Variants in ANO4 observed in about 807,000 individuals in gnomAD.
ANO4 encodes anoctamin 4.
ANO4 carries 69 observed loss-of-function variants against 141.9 expected under a neutral mutation model. The ratio of observed to expected loss-of-function variants is 0.49; its 90% CI spans 0.40 to 0.59. The LOEUF (loss-of-function observed/expected upper bound fraction) is 0.59, where lower values mean the gene tolerates loss of function less well. Among genes scored for constraint, ANO4 ranks in the 20% least tolerant of loss-of-function variants. The pLI, the probability that ANO4 is intolerant of heterozygous loss-of-function variation, is 0.00. For synonymous variants in ANO4, 350 were observed against 394.3 expected (o/e 0.89, Z 1.33); for missense variants, 894 against 1,162.2 (o/e 0.77, Z 3.36).
chr12:100,779,138 A>T (rs1158328611), intron 3 of ANO4, among the ~76,000 whole-genome samples: 2 of 152,232 alleles, frequency 1.3e-5, no homozygotes, highest in Non-Finnish European at 2.9e-5. Context: ...ACCAACCCCC[A>T]GAGAGTGTGA....
chr12:100,869,919 C>T (rs756972503), intron 1 of ANO4, among the ~76,000 whole-genome samples: 11 of 152,210 alleles, frequency 7.2e-5, no homozygotes, highest in Non-Finnish European at 1.5e-4. Flanking sequence ...CTAGAGACAA[C>T]TTGAATAACT....
At chr12:100,942,798 A>G (rs1689404793) in intron 5 of ANO4, among the ~76,000 whole-genome samples, 1 of 152,186 alleles carries the variant, frequency 6.6e-6, no homozygotes, top group South Asian at 2.1e-4. Flanking sequence ...GTGATTCCTT[A>G]TCTAACTTCC....
Position 101,080,753 on chromosome 12 carries a change from G to A in ANO4, c.1395+1478G>A, listed in dbSNP as rs201807474. 2.6e-5 allele frequency among the ~76,000 whole-genome samples: 4 copies of A among 151,528 alleles called. No individual in the cohort carries two copies. In the East Asian group the frequency reaches 5.8e-4, roughly 22 times the overall value. On this transcript the variant is annotated intron_variant, in intron 15 of 27. Transcript: ENST00000392977. Reference sequence around the variant, plus strand: ...GAGGCACAAGAATTGCTTGAACCCAGAAGGTGGAGGTTGCAGTGAGCCAAG... The same window carrying A: ...GAGGCACAAGAATTGCTTGAACCCAAAAGGTGGAGGTTGCAGTGAGCCAAG...
intron 5 of ANO4, among the ~76,000 whole-genome samples, chr12:100,966,839 A>G (rs1026041745): frequency 2.0e-5 from 1 of 49,188 alleles, no homozygotes; most frequent in Non-Finnish European, 3.6e-5. Flanking sequence ...ACATATATAT[A>G]CACACACACA....
At chr12:100,832,297 G>C (rs1240374289) in intron 1 of ANO4, among the ~76,000 whole-genome samples, 2 of 152,120 alleles carry the variant, frequency 1.3e-5, no homozygotes, top group East Asian at 3.9e-4. Flanking sequence ...ATTATTTTTT[G>C]TTCTATACAG....
At chr12:100,884,462 G>A (rs952280922) in intron 1 of ANO4, among the ~76,000 whole-genome samples, 3 of 152,196 alleles carry the variant, frequency 2.0e-5, no homozygotes, top group African/African-American at 7.2e-5. Context: ...TAAGCTGATG[G>A]ACCAGGGGCA....
At chr12:100,854,358 G>C (rs186506960) in intron 1 of ANO4, among the ~76,000 whole-genome samples, 108 of 152,112 alleles carry the variant, frequency 7.1e-4, no homozygotes, top group Non-Finnish European at 1.2e-3. Context: ...AGTTTTACTT[G>C]TTGTGTTAGC....
chr12:101,086,517 A>G (rs1363165328), intron 16 of ANO4, 143 bp from the exon 17 acceptor site: 2 of 827,170 alleles, frequency 2.4e-6, no homozygotes, highest in Non-Finnish European at 1.9e-6. Flanking sequence ...CCACAATGAA[A>G]AGTATGCATT....
At chr12:100,787,902 AG>A (rs1480980936) in intron 3 of ANO4, among the ~76,000 whole-genome samples, 1 of 152,206 alleles carries the variant, frequency 6.6e-6, no homozygotes, top group East Asian at 1.9e-4. Context: ...TATTGGGTCT[AG>A]GGCATTTATT....
intron 1 of ANO4, among the ~76,000 whole-genome samples, chr12:100,868,377 A>G (rs192285299): frequency 1.2e-4 from 19 of 152,244 alleles, no homozygotes; most frequent in Non-Finnish European, 2.8e-4. Flanking sequence ...TGTCTCTTCT[A>G]TATGCCAAGT....
Position 101,049,197 on chromosome 12 carries a change from T to G in ANO4, c.1312+796T>G, listed in dbSNP as rs141978320. On this transcript the variant is annotated intron_variant, in intron 14 of 27. Coordinates refer to ENST00000392977, the MANE Select transcript of ANO4 (RefSeq NM_001286615.2). ...GGTTTGAATTTTTTACAATTATACTTTTCTCCTATAACTTTAATTGCCAAA... is the reference window on the plus strand; with the variant it reads ...GGTTTGAATTTTTTACAATTATACTGTTCTCCTATAACTTTAATTGCCAAA... Among the ~76,000 whole-genome samples the G allele has an allele frequency of 2.1e-3, 315 of 152,326 alleles. 2 individuals are homozygous for G. In the East Asian group the frequency reaches 0.024, roughly 12 times the overall value.
chr12:100,956,423 T>C (rs2043177745), intron 5 of ANO4, among the ~76,000 whole-genome samples: 1 of 152,306 alleles, frequency 6.6e-6, no homozygotes, highest in Non-Finnish European at 1.5e-5. Flanking sequence ...AAAATGAAAC[T>C]ATACTACACA....
intron 1 of ANO4, among the ~76,000 whole-genome samples, chr12:100,730,895 C>A (rs1313702358): frequency 6.6e-6 from 1 of 152,190 alleles, no homozygotes; most frequent in Non-Finnish European, 1.5e-5. Flanking sequence ...CCTCTGAGAG[C>A]CACCACTGTT....
chr12:101,079,149 T>C, intron 14 of ANO4, 44 bp from the exon 15 acceptor site: 1 of 1,546,966 alleles, frequency 6.5e-7, no homozygotes. Context: ...AGCCTTGTTT[T>C]ACTTTTATTC....
intron 2 of ANO4, among the ~76,000 whole-genome samples, chr12:100,918,255 A>G (rs1307107913): frequency 6.6e-6 from 1 of 152,218 alleles, no homozygotes; most frequent in Non-Finnish European, 1.5e-5. Flanking sequence ...TGAGCCTAGG[A>G]GGTTGAGGTT....
Position 101,104,646 on chromosome 12 carries a change from TATATATATATATATATATATATATAA to T in ANO4, c.2149+4930_2149+4955del, listed in dbSNP as rs1274693473. On this transcript the variant is annotated intron_variant, in intron 22 of 27. Coordinates refer to ENST00000392977, the MANE Select transcript of ANO4 (RefSeq NM_001286615.2). ...ATGTGTGTATATATATATATATATA[TATATATATATATATATATATATATAA>T]ATAAAAAGATTTACCTTATGCTCCT... Among the ~76,000 whole-genome samples the T allele has an allele frequency of 8.5e-3, 764 of 89,778 alleles. 22 individuals carry two copies. Among genetic ancestry groups the T allele is most frequent in the African/African-American group, 0.044 (714 of 16,086 alleles). 58.9% of individuals were successfully genotyped at this position (89,778 alleles called of 152,430 possible).
At chr12:101,049,889 G>GA (rs921162445) in intron 14 of ANO4, among the ~76,000 whole-genome samples, 4 of 152,146 alleles carry the variant, frequency 2.6e-5, no homozygotes, top group Non-Finnish European at 2.9e-5. Context: ...AGTGGCCTGG[G>GA]AAAAGGCCTG....
chr12:100,886,884 C>T (rs2039860172), intron 1 of ANO4, among the ~76,000 whole-genome samples: 1 of 152,226 alleles, frequency 6.6e-6, no homozygotes, highest in South Asian at 2.1e-4. Flanking sequence ...GCATCTTTGA[C>T]ATCTCCTTCT....
chr12:101,029,166 G>C (rs2046865716), intron 9 of ANO4, among the ~76,000 whole-genome samples: 1 of 152,136 alleles, frequency 6.6e-6, no homozygotes, highest in South Asian at 2.1e-4. Flanking sequence ...GGCCTTGCAA[G>C]AGCTCCTGAA....
Sources: allele counts gnomAD v4.1 joint callset (sites outside exome capture counted in the v4.1 genomes callset), GRCh38; gene constraint gnomAD v4.1.1; transcripts MANE v1.5; gene names NCBI Gene and HGNC (gene_info 2026-07-23, HGNC 2026-07-21).